The following RBMS3 variants were observed in gnomAD, a reference collection of about 807,000 sequenced individuals.
RBMS3 encodes the protein RNA binding motif single stranded interacting protein 3.
Under a neutral mutation model 66.8 loss-of-function variants are expected in RBMS3, and 27 were observed. The observed-to-expected ratio is 0.40, with a 90% CI of 0.30 to 0.56. The LOEUF is 0.56. RBMS3 is among the 20% of genes least tolerant of loss of function. The pLI is 0.40. For synonymous variants in RBMS3, 188 were observed against 183.0 expected (o/e 1.03, Z -0.22); for missense variants, 513 against 549.5 (o/e 0.93, Z 0.66).
chr3:29,778,464 T>C (rs2056503997), intron 6 of RBMS3, among the ~76,000 whole-genome samples: 1 of 151,864 alleles, frequency 6.6e-6, no homozygotes, highest in Middle Eastern at 3.4e-3. Context: ...ATTGGGGAAT[T>C]ACTATGTGCC....
At chr3:29,783,914 AC>A (rs1301697020) in intron 6 of RBMS3, among the ~76,000 whole-genome samples, 2 of 152,300 alleles carry the variant, frequency 1.3e-5, no homozygotes, top group Admixed American at 1.3e-4. Flanking sequence ...ATCAGATGAA[AC>A]AAACTTTAAA....
At chr3:29,390,741 C>T (rs2039251694) in intron 1 of RBMS3, 1 of 152,738 alleles carries the variant, frequency 6.5e-6, no homozygotes, top group African/African-American at 2.4e-5. Context: ...TTCTATCACA[C>T]CACTCTGTCT....
chr3:29,513,962 A>G (rs2044513474), intron 3 of RBMS3, among the ~76,000 whole-genome samples: 1 of 152,178 alleles, frequency 6.6e-6, no homozygotes, highest in African/African-American at 2.4e-5. Flanking sequence ...AATCATATTC[A>G]TAACTCTCTA....
intron 2 of RBMS3, among the ~76,000 whole-genome samples, chr3:29,451,937 CTT>C (rs1020085565): frequency 3.2e-4 from 49 of 152,294 alleles, no homozygotes; most frequent in African/African-American, 1.1e-3. Flanking sequence ...TGCTAATCCC[CTT>C]TGTTTCCCCT....
intron 1 of RBMS3, among the ~76,000 whole-genome samples, chr3:29,335,702 A>G (rs1215265706): frequency 5.9e-5 from 9 of 152,174 alleles, no homozygotes; most frequent in Admixed American, 1.3e-4. Context: ...TGAGCATTCC[A>G]AAGGCTCACA....
At chr3:29,354,036 T>C (rs1575599489) in intron 1 of RBMS3, among the ~76,000 whole-genome samples, 1 of 152,136 alleles carries the variant, frequency 6.6e-6, no homozygotes, top group Non-Finnish European at 1.5e-5. Context: ...GCCTTTCATT[T>C]TGGTTTTCTT....
chr3:29,462,109 A>G (rs1164790850), intron 2 of RBMS3, among the ~76,000 whole-genome samples: 2 of 151,950 alleles, frequency 1.3e-5, no homozygotes, highest in African/African-American at 4.8e-5. Flanking sequence ...GTGATAATAC[A>G]TGATGAGATT....
chr3:29,643,321 C>A (rs1480272917), intron 4 of RBMS3, among the ~76,000 whole-genome samples: 4 of 152,120 alleles, frequency 2.6e-5, no homozygotes, highest in African/African-American at 4.8e-5. Flanking sequence ...AGCAGCCACA[C>A]ATGGGGAGCT....
At chr3:29,899,122 G>T (rs552268333) in intron 9 of RBMS3, among the ~76,000 whole-genome samples, 1 of 151,694 alleles carries the variant, frequency 6.6e-6, no homozygotes, top group East Asian at 2.0e-4. Context: ...TAGTTGGCTG[G>T]CTGACATACT....
intron 4 of RBMS3, among the ~76,000 whole-genome samples, chr3:29,640,796 C>G (rs1397949918): frequency 6.6e-6 from 1 of 151,850 alleles, no homozygotes; most frequent in African/African-American, 2.4e-5. Flanking sequence ...CTAAAATATT[C>G]CATTTCTGCT....
intron 2 of RBMS3, among the ~76,000 whole-genome samples, chr3:29,441,412 C>G (rs1161686080): frequency 6.6e-6 from 1 of 152,032 alleles, no homozygotes; most frequent in Admixed American, 6.6e-5. Flanking sequence ...ATATTACATG[C>G]CTCATACTCT....
chr3:29,785,319 T>C (rs1166957603), intron 6 of RBMS3, among the ~76,000 whole-genome samples: 1 of 152,094 alleles, frequency 6.6e-6, no homozygotes, highest in African/African-American at 2.4e-5. Context: ...TAATCCACCA[T>C]TATCAAGTGG....
chr3:29,643,889 A>G (rs544236894), intron 4 of RBMS3, among the ~76,000 whole-genome samples: 10 of 152,340 alleles, frequency 6.6e-5, no homozygotes, highest in African/African-American at 2.2e-4. Flanking sequence ...GAGTGGGAGC[A>G]TTAATGAATT....
intron 1 of RBMS3, among the ~76,000 whole-genome samples, chr3:29,307,458 G>A (rs567766723): frequency 6.6e-6 from 1 of 151,970 alleles, no homozygotes; most frequent in East Asian, 2.0e-4. Context: ...GCTATACATA[G>A]TGGTCTGTTT....
intron 3 of RBMS3, among the ~76,000 whole-genome samples, chr3:29,509,193 A>G (rs1189055647): frequency 1.3e-5 from 2 of 152,112 alleles, no homozygotes; most frequent in Non-Finnish European, 2.9e-5. Flanking sequence ...GAATTATACA[A>G]TGAGCAACCT....
At chr3:29,487,489 A>C (rs2043366046) in intron 2 of RBMS3, among the ~76,000 whole-genome samples, 1 of 152,162 alleles carries the variant, frequency 6.6e-6, no homozygotes, top group Non-Finnish European at 1.5e-5. Context: ...TTGACAGTCT[A>C]AGTAGTAATG....
At chr3:29,436,477 T>C (rs1468849400) in intron 2 of RBMS3, among the ~76,000 whole-genome samples, 2 of 152,206 alleles carry the variant, frequency 1.3e-5, no homozygotes, top group Admixed American at 1.3e-4. Flanking sequence ...GACATACAAA[T>C]ATACGTTAGA....
intron 2 of RBMS3, among the ~76,000 whole-genome samples, chr3:29,451,050 T>C (rs1241861562): frequency 1.3e-5 from 2 of 152,124 alleles, no homozygotes; most frequent in African/African-American, 4.8e-5. Flanking sequence ...TTTAGTTCAA[T>C]GCTTACCACA....
At chr3:29,767,320 A>G (rs2055973522) in intron 6 of RBMS3, 1 of 151,946 alleles carries the variant, frequency 6.6e-6, no homozygotes, top group Non-Finnish European at 1.5e-5. Flanking sequence ...TTTTTCCTGT[A>G]AGCACGTGCT....
Sources: gnomAD v4.1 joint callset for allele counts (sites outside exome capture counted in the v4.1 genomes callset) on GRCh38, gnomAD v4.1.1 for gene constraint, MANE v1.5 for transcripts, NCBI Gene and HGNC (gene_info 2026-07-23, HGNC 2026-07-21) for gene names.